The following ARSG variants were observed in gnomAD, a reference collection of about 807,000 sequenced individuals.
ARSG encodes the protein arylsulfatase G, also known as ASG.
In ARSG, 37 loss-of-function variants were observed where a neutral mutation model predicts 50.5. The ratio of observed to expected loss-of-function variants is 0.73; its 90% CI spans 0.56 to 0.96. ARSG has a LOEUF of 0.96. ARSG is among the 50% of genes least tolerant of loss of function. ARSG has a pLI of 0.00. For missense variants in ARSG, 629 were observed against 675.3 expected (o/e 0.93, Z 0.76); for synonymous variants, 225 against 254.6 (o/e 0.88, Z 1.11).
At chr17:68,343,387 C>A (rs376479910) in intron 2 of ARSG, among the ~76,000 whole-genome samples, 2 of 152,180 alleles carry the variant, frequency 1.3e-5, no homozygotes, top group Non-Finnish European at 2.9e-5. Context: ...GAACTCCTGA[C>A]CTCAGGTGAT....
intron 2 of ARSG, among the ~76,000 whole-genome samples, chr17:68,317,704 GA>G (rs2077122261): frequency 6.6e-6 from 1 of 152,078 alleles, no homozygotes; most frequent in African/African-American, 2.4e-5. Flanking sequence ...CTGTGCTGTT[GA>G]ACACTTATCA....
chr17:68,361,143 A>G (rs75235336), intron 6 of ARSG, among the ~76,000 whole-genome samples: 4,233 of 152,144 alleles, frequency 0.028, 197 homozygotes, highest in Admixed American at 0.1. Context: ...GACCTTTCAA[A>G]CAAATCAATC....
chr17:68,279,805 G>A (rs2075634786), intron 1 of ARSG, among the ~76,000 whole-genome samples: 1 of 152,050 alleles, frequency 6.6e-6, no homozygotes, highest in African/African-American at 2.4e-5. Flanking sequence ...TGTATTTTTA[G>A]CCTAACTAAA....
At chr17:68,409,982 G>C (rs1196030234) in intron 11 of ARSG, among the ~76,000 whole-genome samples, 1 of 150,638 alleles carries the variant, frequency 6.6e-6, no homozygotes, top group African/African-American at 2.4e-5. Flanking sequence ...TGTATCCTGA[G>C]ACTTTGCTGA....
chr17:68,347,180 T>C lies in ARSG; in HGVS notation c.454+8T>C. 6.2e-7 allele frequency: 1 copy of C among 1,613,332 alleles called. No homozygotes were observed. On this transcript the variant is annotated splice_region_variant and intron_variant, in intron 4 of 11. Coordinates refer to ENST00000621439, the MANE Select transcript of ARSG (RefSeq NM_001267727.2). ...ATCACCCCAACTTCCGTGGTAAGAA[T>C]TCTTTTGGGGATTTGTTACCTGGGA...
At chr17:68,330,968 T>C (rs1231349905) in intron 2 of ARSG, among the ~76,000 whole-genome samples, 1 of 64,758 alleles carries the variant, frequency 1.5e-5, no homozygotes, top group African/African-American at 6.0e-5. Context: ...TCTTTATTTC[T>C]TTTTTTTTGC....
At chr17:68,284,708 T>C (rs1373696462) in intron 1 of ARSG, among the ~76,000 whole-genome samples, 1 of 152,232 alleles carries the variant, frequency 6.6e-6, no homozygotes, top group Non-Finnish European at 1.5e-5. Context: ...TTCATCCTAC[T>C]GATAGCGCCA....
chr17:68,345,495 C>G (rs887196656), intron 3 of ARSG, among the ~76,000 whole-genome samples: 11 of 152,182 alleles, frequency 7.2e-5, no homozygotes, highest in African/African-American at 2.4e-4. Flanking sequence ...GACTGTTTAG[C>G]TGCATTCCTC....
chr17:68,353,902 G>A (rs1187836595), intron 5 of ARSG, among the ~76,000 whole-genome samples: 4 of 151,540 alleles, frequency 2.6e-5, no homozygotes, highest in East Asian at 2.0e-4. Context: ...GGGTTTCACC[G>A]TGTTGGCCAA....
chr17:68,278,210 G>C (rs782359692), intron 1 of ARSG: 2 of 1,614,154 alleles, frequency 1.2e-6, no homozygotes, highest in South Asian at 2.2e-5. Context: ...TGCCGTAGGT[G>C]AAGACTTCAA....
intron 11 of ARSG, among the ~76,000 whole-genome samples, chr17:68,413,328 T>G (rs1168262433): frequency 6.6e-6 from 1 of 152,212 alleles, no homozygotes; most frequent in Non-Finnish European, 1.5e-5. Context: ...TTTGTTAGTT[T>G]TCCTTGTAAC....
intron 8 of ARSG, among the ~76,000 whole-genome samples, chr17:68,374,157 C>CAA (rs758829709): frequency 0.025 from 1,532 of 60,424 alleles, 52 homozygotes; most frequent in African/African-American, 0.082. Flanking sequence ...ACTCTGTCTC[C>CAA]AAAAAAAAAA....
intron 1 of ARSG, among the ~76,000 whole-genome samples, chr17:68,265,784 GA>G (rs1335319043): frequency 3.6e-5 from 5 of 138,016 alleles, no homozygotes; most frequent in Admixed American, 2.2e-4. Context: ...TTATGTGATT[GA>G]AAAAAAATAT....
chr17:68,351,502 G>T, intron 4 of ARSG, 73 bp from the exon 5 acceptor site: 1 of 788,330 alleles, frequency 1.3e-6, no homozygotes, highest in Non-Finnish European at 2.3e-6. Context: ...TTACATTTTT[G>T]TCGTGGGTGT....
At chr17:68,372,844 C>T (rs954562893) in intron 8 of ARSG, among the ~76,000 whole-genome samples, 8 of 147,808 alleles carry the variant, frequency 5.4e-5, no homozygotes, top group Admixed American at 3.4e-4. Context: ...AAGCATTGTG[C>T]GCCTCAATTC....
chr17:68,285,943 TAG>T (rs1274109873), intron 1 of ARSG, among the ~76,000 whole-genome samples: 1 of 152,132 alleles, frequency 6.6e-6, no homozygotes. Flanking sequence ...GTATTTTTAG[TAG>T]AGACAGGGTT....
chr17:68,407,706 G>A (rs974818854), intron 11 of ARSG, among the ~76,000 whole-genome samples: 36 of 151,406 alleles, frequency 2.4e-4, no homozygotes, highest in Admixed American at 2.4e-3. Flanking sequence ...CATTAATCTT[G>A]TTTCTAGAAA....
chr17:68,373,476 A>G (rs915938183), intron 8 of ARSG, among the ~76,000 whole-genome samples: 13 of 148,954 alleles, frequency 8.7e-5, no homozygotes, highest in African/African-American at 3.2e-4. Context: ...TGATCCACCC[A>G]TCTTGGCCTT....
At chr17:68,324,070 CAAAAAAAAAA>C (rs57040262) in intron 2 of ARSG, among the ~76,000 whole-genome samples, 3 of 89,826 alleles carry the variant, frequency 3.3e-5, no homozygotes, top group African/African-American at 1.3e-4. Context: ...AAAACTCCAT[CAAAAAAAAAA>C]AAAAAAAAAA....
Sources: gnomAD v4.1 joint callset for allele counts (sites outside exome capture counted in the v4.1 genomes callset) on GRCh38, gnomAD v4.1.1 for gene constraint, MANE v1.5 for transcripts, NCBI Gene and HGNC (gene_info 2026-07-23, HGNC 2026-07-21) for gene names.